Variants in SUCLG2 observed in about 807,000 individuals in gnomAD.
SUCLG2 encodes the protein succinate--CoA ligase [GDP-forming] subunit beta, mitochondrial.
In SUCLG2, 42 loss-of-function variants were observed where a neutral mutation model predicts 47.9. The ratio of observed to expected loss-of-function variants is 0.88; its 90% CI spans 0.69 to 1.14. The LOEUF (loss-of-function observed/expected upper bound fraction) is 1.14, where lower values mean the gene tolerates loss of function less well. Ranked by LOEUF, SUCLG2 falls within the 50% of genes most tolerant of loss-of-function variation. SUCLG2 has a pLI of 0.00. For synonymous variants in SUCLG2, 195 were observed against 197.3 expected (o/e 0.99, Z 0.10); for missense variants, 571 against 525.9 (o/e 1.09, Z -0.84).
intron 9 of SUCLG2, among the ~76,000 whole-genome samples, chr3:67,411,480 A>T (rs1014991780): frequency 6.6e-6 from 1 of 152,226 alleles, no homozygotes; most frequent in African/African-American, 2.4e-5. Context: ...TCAAAACCCT[A>T]GTGGATAAAT....
chr3:67,514,345 G>A, intron 6 of SUCLG2: 1 of 342,004 alleles, frequency 2.9e-6, no homozygotes, highest in Non-Finnish European at 6.0e-6. Context: ...ATGACTATGT[G>A]TATTCTTGCT....
intron 1 of SUCLG2, among the ~76,000 whole-genome samples, chr3:67,620,584 CA>C (rs71109890): frequency 0.011 from 694 of 63,476 alleles, 3 homozygotes; most frequent in African/African-American, 0.036. Flanking sequence ...GACTCCATCT[CA>C]AAAAAAAAAA....
chr3:67,470,626 T>G lies in SUCLG2; in HGVS notation c.1062+25172A>C, dbSNP rs75810511. Among the ~76,000 whole-genome samples, 3 of 152,350 alleles carry G rather than the reference T, an allele frequency of 2.0e-5. No homozygotes were observed. The East Asian group carries it at 5.8e-4, about 29-fold the overall frequency. ...CATTTTCTCTCTGTCTCATACACTC[T>G]CTTGCCTTTTCACTTTCTGCCATGG... is the stretch of plus-strand genomic sequence containing the variant. On this transcript the variant is annotated intron_variant, in intron 9 of 10. Transcript: ENST00000307227.
intron 9 of SUCLG2, among the ~76,000 whole-genome samples, chr3:67,494,925 C>T (rs1440030044): frequency 3.3e-5 from 5 of 151,942 alleles, no homozygotes; most frequent in South Asian, 2.1e-4. Context: ...AGTTAGCTAC[C>T]CTCAAGTTAA....
chr3:67,489,210 GCAAGGAGGGCCAGATATTCTTGGA>G (rs1471564283), intron 9 of SUCLG2, among the ~76,000 whole-genome samples: 1 of 152,166 alleles, frequency 6.6e-6, no homozygotes, highest in African/African-American at 2.4e-5. Flanking sequence ...TGTGAGGTGG[GCAAGGAGGGCCAGATATTCTTGGA>G]AATTTTAATT....
chr3:67,376,069 G>A, intron 10 of SUCLG2: 1 of 985,422 alleles, frequency 1.0e-6, no homozygotes, highest in Non-Finnish European at 1.2e-6. Flanking sequence ...TGAAAGCAAG[G>A]GCTTGCAAGA....
At chr3:67,623,257 T>G (rs930745773) in intron 1 of SUCLG2, among the ~76,000 whole-genome samples, 1 of 152,144 alleles carries the variant, frequency 6.6e-6, no homozygotes, top group Non-Finnish European at 1.5e-5. Flanking sequence ...TCCCAGCACT[T>G]TGGGAGGCCA....
At chr3:67,394,804 T>A (rs1702483092) in intron 10 of SUCLG2, among the ~76,000 whole-genome samples, 1 of 151,762 alleles carries the variant, frequency 6.6e-6, no homozygotes, top group Admixed American at 6.6e-5. Flanking sequence ...GGGAAGCCCA[T>A]CAGACTAACA....
At chr3:67,379,513 T>C (rs1475969619) in intron 10 of SUCLG2, among the ~76,000 whole-genome samples, 1 of 152,274 alleles carries the variant, frequency 6.6e-6, no homozygotes, top group African/African-American at 2.4e-5. Context: ...CTTGATCTTC[T>C]TAATTTTTTG....
At chr3:67,574,271 A>G (rs181791788) in intron 2 of SUCLG2, among the ~76,000 whole-genome samples, 1 of 152,218 alleles carries the variant, frequency 6.6e-6, no homozygotes, top group Non-Finnish European at 1.5e-5. Flanking sequence ...AGACATCTAC[A>G]AAGTCCCTTC....
At chr3:67,530,705 C>A (rs1011225233) in intron 2 of SUCLG2, among the ~76,000 whole-genome samples, 4 of 152,226 alleles carry the variant, frequency 2.6e-5, no homozygotes, top group Admixed American at 2.0e-4. Flanking sequence ...AGCCCACCTT[C>A]TTCTCAGAAG....
chr3:67,375,061 C>A lies in SUCLG2; in HGVS notation c.*683G>T, dbSNP rs1438808236. The A allele has an allele frequency of 3.0e-6, 3 of 985,568 alleles. No individual in the cohort carries two copies. The highest frequency in any genetic ancestry group is 3.5e-5 in the African/African-American group (2 of 57,190). The allele number at this position is 985,568 out of a possible 1,614,324, so 61.1% of individuals were successfully genotyped here. A position where few individuals can be genotyped will look rare whatever the true frequency, so the allele number is the denominator to read the frequency against. ...TCCACTCCCAAAATCACAAATAAGG[C>A]TTCTGGTTTTCTTTTTAGTGTGAGG... On this transcript the variant is annotated 3_prime_UTR_variant, in exon 11 of 11. Transcript: ENST00000307227.
At chr3:67,622,372 T>C (rs973640398) in intron 1 of SUCLG2, among the ~76,000 whole-genome samples, 5 of 152,214 alleles carry the variant, frequency 3.3e-5, no homozygotes, top group Non-Finnish European at 7.3e-5. Flanking sequence ...GAAGGTGACA[T>C]GCCAAGTTTA....
intron 9 of SUCLG2, among the ~76,000 whole-genome samples, chr3:67,462,434 T>C (rs72918998): frequency 0.049 from 7,504 of 152,170 alleles, 279 homozygotes; most frequent in African/African-American, 0.091. Context: ...TTTTGTCTAG[T>C]CACATTTCAA....
chr3:67,646,836 C>A (rs1037158034), intron 1 of SUCLG2, among the ~76,000 whole-genome samples: 2 of 152,088 alleles, frequency 1.3e-5, no homozygotes, highest in Non-Finnish European at 2.9e-5. Flanking sequence ...GATCTCCATT[C>A]TTGCATTTCT....
chr3:67,418,747 A>T (rs1212246190), intron 9 of SUCLG2, among the ~76,000 whole-genome samples: 1 of 152,122 alleles, frequency 6.6e-6, no homozygotes, highest in Admixed American at 6.5e-5. Flanking sequence ...CTGTTCCTGG[A>T]GCCCATACCA....
intron 10 of SUCLG2, among the ~76,000 whole-genome samples, chr3:67,361,069 T>G (rs577824235): frequency 6.6e-6 from 1 of 152,246 alleles, no homozygotes; most frequent in Admixed American, 6.5e-5. Flanking sequence ...CAAAATTTTC[T>G]TATAAAACAG....
At chr3:67,365,314 C>T (rs942501505) in intron 10 of SUCLG2, among the ~76,000 whole-genome samples, 15 of 152,076 alleles carry the variant, frequency 9.9e-5, no homozygotes, top group Admixed American at 2.0e-4. Flanking sequence ...ACGAAACTCA[C>T]GATTTTCAAG....
chr3:67,368,311 A>G (rs1320481559), intron 10 of SUCLG2, among the ~76,000 whole-genome samples: 2 of 152,200 alleles, frequency 1.3e-5, no homozygotes, highest in African/African-American at 2.4e-5. Flanking sequence ...TTAAAGTATC[A>G]ACTTGCTGAT....
Sources: allele counts gnomAD v4.1 joint callset (sites outside exome capture counted in the v4.1 genomes callset), GRCh38; gene constraint gnomAD v4.1.1; transcripts MANE v1.5; gene names NCBI Gene and HGNC (gene_info 2026-07-23, HGNC 2026-07-21).